CPSF6: variants seen among roughly 807,000 people sequenced by gnomAD.
The protein encoded by CPSF6 is cleavage and polyadenylation specificity factor subunit 6.
CPSF6 carries 10 observed loss-of-function variants against 56.7 expected under a neutral mutation model. The ratio of observed to expected loss-of-function variants is 0.18; its 90% CI spans 0.11 to 0.30. The LOEUF (loss-of-function observed/expected upper bound fraction) is 0.30. Among genes scored for constraint, CPSF6 ranks in the 10% least tolerant of loss-of-function variants. CPSF6 has a pLI of 1.00. For synonymous variants in CPSF6, 248 were observed against 244.8 expected, an observed-to-expected ratio of 1.01 and a Z score of -0.12; for missense variants, 419 against 722.9, an observed-to-expected ratio of 0.58 and a Z score of 4.82.
intron 2 of CPSF6, 114 bp from the exon 3 acceptor site, chr12:69,252,937 C>A: frequency 1.6e-6 from 1 of 611,626 alleles, no homozygotes; most frequent in Non-Finnish European, 2.8e-6. Context: ...CTTAGATTTG[C>A]ACTCAGCATT....
intron 6 of CPSF6, 138 bp from the exon 7 acceptor site, chr12:69,259,290 G>A: frequency 7.8e-7 from 1 of 1,282,364 alleles, no homozygotes; most frequent in East Asian, 2.5e-5. Flanking sequence ...TGGAAAAGTA[G>A]CATGCTTCAA....
chr12:69,253,709 T>C (rs1872362732), intron 3 of CPSF6, among the ~76,000 whole-genome samples: 1 of 152,174 alleles, frequency 6.6e-6, no homozygotes, highest in African/African-American at 2.4e-5. Context: ...AATGGAATTA[T>C]AATTCATGTG....
At chr12:69,253,765 C>G (rs1187938328) in intron 3 of CPSF6, among the ~76,000 whole-genome samples, 7 of 152,108 alleles carry the variant, frequency 4.6e-5, no homozygotes, top group Non-Finnish European at 1.0e-4. Flanking sequence ...CACATCCTCT[C>G]TAATGTCTAA....
chr12:69,273,031 G>A lies in CPSF6; in HGVS notation c.*3523G>A. 2 of 243,226 alleles carry A rather than the reference G, an allele frequency of 8.2e-6. No individual in the cohort carries two copies. The highest frequency in any genetic ancestry group is 9.6e-5 in the South Asian group (2 of 20,810). 15.1% of individuals were successfully genotyped at this position (243,226 alleles called of 1,614,324 possible). On this transcript the variant is annotated 3_prime_UTR_variant, in exon 10 of 10. Coordinates refer to ENST00000435070, the MANE Select transcript of CPSF6 (RefSeq NM_007007.3). ...AAAATTATAAATTTATTAAGATGTGGCCTTACATATGGCATTCCTTGTGTT... is the reference window on the plus strand; with the variant it reads ...AAAATTATAAATTTATTAAGATGTGACCTTACATATGGCATTCCTTGTGTT...
At chr12:69,267,928 T>C (rs1227465100) in intron 9 of CPSF6, among the ~76,000 whole-genome samples, 4 of 151,920 alleles carry the variant, frequency 2.6e-5, no homozygotes, top group Admixed American at 6.5e-5. Context: ...AAAGATGCAG[T>C]GTATGTGATA....
intron 1 of CPSF6, among the ~76,000 whole-genome samples, chr12:69,248,013 C>G (rs1356916973): frequency 6.6e-6 from 1 of 152,198 alleles, no homozygotes; most frequent in Non-Finnish European, 1.5e-5. Flanking sequence ...GATCGTACTA[C>G]AACCACTTGG....
intron 3 of CPSF6, among the ~76,000 whole-genome samples, chr12:69,254,195 G>T (rs970159199): frequency 6.8e-6 from 1 of 147,760 alleles, no homozygotes. Flanking sequence ...AAAAAAAAAT[G>T]ACATTCTGCT....
In CPSF6 at chr12:69,272,149, A is replaced by ATG. The variant is rs1160836774; in HGVS notation, c.*2647_*2648dup. On this transcript the variant is annotated 3_prime_UTR_variant, in exon 10 of 10. Transcript: ENST00000435070. ...AGCATATTCCAGTGTAAATTTGCAG[A>ATG]TGTGTGTTTTTTTTTTTTGTCACTT... 2 of 105,340 alleles carry ATG rather than the reference A, an allele frequency of 1.9e-5. No homozygotes were observed. Among genetic ancestry groups the ATG allele is most frequent in the Non-Finnish European group, 4.4e-5 (2 of 45,044 alleles). 6.5% of individuals were successfully genotyped at this position (105,340 alleles called of 1,614,324 possible).
At chr12:69,249,021 C>T (rs12304523) in intron 1 of CPSF6, among the ~76,000 whole-genome samples, 2,377 of 151,588 alleles carry the variant, frequency 0.016, 80 homozygotes, top group African/African-American at 0.055. Flanking sequence ...CCGAGGCGGG[C>T]GGATCACGAG....
intron 1 of CPSF6, among the ~76,000 whole-genome samples, chr12:69,241,135 CAG>C (rs1384808753): frequency 6.6e-6 from 1 of 152,104 alleles, no homozygotes; most frequent in Non-Finnish European, 1.5e-5. Context: ...TATTAGAAAA[CAG>C]AAAAATACCA....
chr12:69,244,874 A>G (rs543583756), intron 1 of CPSF6, among the ~76,000 whole-genome samples: 269 of 152,248 alleles, frequency 1.8e-3, no homozygotes, highest in African/African-American at 6.0e-3. Context: ...CTTCTTCTGT[A>G]ATACGTGGTG....
In CPSF6 at chr12:69,271,922, C is replaced by T. The variant is rs1485071058; in HGVS notation, c.*2414C>T. 6.6e-6 allele frequency: 1 copy of T among 151,604 alleles called. No individual in the cohort carries two copies. The highest frequency in any genetic ancestry group is 2.1e-4 in the South Asian group (1 of 4,818). 9.4% of individuals were successfully genotyped at this position (151,604 alleles called of 1,614,324 possible). A position where few individuals can be genotyped will look rare whatever the true frequency, so the allele number is the denominator to read the frequency against. ...GTCTCAGAGACCTTTTCATTTTTTC[C>T]TTAGTTAATAACTGTAGTGGATGTG... is the stretch of plus-strand genomic sequence containing the variant. On this transcript the variant is annotated 3_prime_UTR_variant, in exon 10 of 10. Transcript: ENST00000435070.
chr12:69,269,081 T>C (rs1050330397), intron 9 of CPSF6, among the ~76,000 whole-genome samples: 3 of 151,928 alleles, frequency 2.0e-5, no homozygotes, highest in Admixed American at 1.3e-4. Context: ...ATTTTATATT[T>C]AGTTCAGCAT....
chr12:69,246,933 GGATTAACAGGCAT>G (rs535622122), intron 1 of CPSF6, among the ~76,000 whole-genome samples: 235 of 152,166 alleles, frequency 1.5e-3, no homozygotes, highest in Non-Finnish European at 4.7e-4. Context: ...CAAAGTGGTG[GGATTAACAGGCAT>G]GAACCACCAT....
intron 9 of CPSF6, among the ~76,000 whole-genome samples, chr12:69,264,405 A>C (rs554468478): frequency 2.6e-5 from 4 of 152,148 alleles, no homozygotes; most frequent in Non-Finnish European, 5.9e-5. Context: ...TAAAACTAGC[A>C]TAGTCAACCA....
Position 69,258,217 on chromosome 12 carries a change from T to A in CPSF6, c.694+312T>A. Reference sequence around the variant, plus strand: ...ACATCCGTCTTACTTTCTTACCTCTTAAAAAAATCCTTTCAAGATCATTTT... The same window carrying A: ...ACATCCGTCTTACTTTCTTACCTCTAAAAAAAATCCTTTCAAGATCATTTT... On this transcript the variant is annotated intron_variant, in intron 5 of 9. Coordinates refer to ENST00000435070, the MANE Select transcript of CPSF6 (RefSeq NM_007007.3). The surrounding 1 kb of genome is among the most constrained non-coding windows in gnomAD (Gnocchi z 4.2). 1.1e-6 allele frequency: 1 copy of A among 877,488 alleles called. No homozygotes were observed. The highest frequency in any genetic ancestry group is 1.7e-6 in the Non-Finnish European group (1 of 574,650). 54.4% of individuals were successfully genotyped at this position (877,488 alleles called of 1,614,324 possible).
At chr12:69,268,574 T>A (rs1451458819) in intron 9 of CPSF6, among the ~76,000 whole-genome samples, 1 of 151,768 alleles carries the variant, frequency 6.6e-6, no homozygotes, top group Non-Finnish European at 1.5e-5. Flanking sequence ...AAAAAAATTT[T>A]AAAAAACCTT....
chr12:69,274,046 T>C lies in CPSF6; in HGVS notation c.*4538T>C, dbSNP rs1047865719. 6.6e-6 allele frequency: 1 copy of C among 151,452 alleles called. No homozygotes were observed. The highest frequency in any genetic ancestry group is 2.4e-5 in the African/African-American group (1 of 41,300). 9.4% of individuals were successfully genotyped at this position (151,452 alleles called of 1,614,324 possible). Reference sequence around the variant, plus strand: ...AAGTCTTAAAATTTTAGCTATTGACTCTATGGTGACTTCACAATAAGATTT... The same window carrying C: ...AAGTCTTAAAATTTTAGCTATTGACCCTATGGTGACTTCACAATAAGATTT... On this transcript the variant is annotated 3_prime_UTR_variant, in exon 10 of 10. Coordinates refer to ENST00000435070, the MANE Select transcript of CPSF6 (RefSeq NM_007007.3).
chr12:69,254,337 T>G (rs1014291878), intron 3 of CPSF6, among the ~76,000 whole-genome samples: 1 of 152,214 alleles, frequency 6.6e-6, no homozygotes, highest in African/African-American at 2.4e-5. Flanking sequence ...TCTTTGCTGT[T>G]GGCCAGACCA....
Sources: allele counts gnomAD v4.1 joint callset (sites outside exome capture counted in the v4.1 genomes callset), GRCh38; gene constraint gnomAD v4.1.1; non-coding constraint Gnocchi (gnomAD v3.1); transcripts MANE v1.5; gene names NCBI Gene and HGNC (gene_info 2026-07-23, HGNC 2026-07-21).